Variants in SPACA7 observed in about 807,000 individuals in gnomAD.
SPACA7 encodes the protein sperm acrosome associated 7.
Under a neutral mutation model 26.3 loss-of-function variants are expected in SPACA7, and 19 were observed. That is an observed-to-expected ratio of 0.72 (90% confidence interval 0.50 to 1.06). The LOEUF (loss-of-function observed/expected upper bound fraction) is 1.06. Ranked by LOEUF, SPACA7 falls within the 50% of genes least tolerant of loss-of-function variation. The pLI is 0.00. For missense variants in SPACA7, 211 were observed against 229.9 expected, an observed-to-expected ratio of 0.92 and a Z score of 0.53; for synonymous variants, 84 against 84.5, an observed-to-expected ratio of 0.99 and a Z score of 0.04.
At chr13:112,377,005 T>C in intron 1 of SPACA7, among the ~76,000 whole-genome samples, 1 of 152,234 alleles carries the variant, frequency 6.6e-6, no homozygotes, top group East Asian at 1.9e-4. Flanking sequence ...TTGCTAAAGA[T>C]GGGCAGGCAG....
At chr13:112,406,591 A>T (rs1451325162) in intron 5 of SPACA7, among the ~76,000 whole-genome samples, 2 of 152,230 alleles carry the variant, frequency 1.3e-5, no homozygotes, top group African/African-American at 4.8e-5. Flanking sequence ...TACATGGCCA[A>T]TAAGTCCATG....
chr13:112,410,825 AG>A, intron 5 of SPACA7, among the ~76,000 whole-genome samples: 1 of 152,324 alleles, frequency 6.6e-6, no homozygotes, highest in East Asian at 1.9e-4. Context: ...AACTGAAAGC[AG>A]GGTTTTGAAG....
chr13:112,394,162 G>A (rs112591313), intron 2 of SPACA7, among the ~76,000 whole-genome samples: 4,494 of 152,166 alleles, frequency 0.03, 225 homozygotes, highest in African/African-American at 0.1. Context: ...GTGGACAGCC[G>A]CGCTCCAGGG....
intron 1 of SPACA7, among the ~76,000 whole-genome samples, chr13:112,378,140 G>C (rs537772766): frequency 6.6e-6 from 1 of 152,170 alleles, no homozygotes; most frequent in African/African-American, 2.4e-5. Flanking sequence ...TCAGGCTTTA[G>C]TTCTCACTAA....
intron 1 of SPACA7, 71 bp downstream of exon 1, chr13:112,376,550 A>G (rs573125626): frequency 3.3e-6 from 5 of 1,510,130 alleles, no homozygotes; most frequent in South Asian, 1.2e-5. Flanking sequence ...CTCTTCTCCC[A>G]TGGGTTCCTC....
intron 4 of SPACA7, 117 bp from the exon 5 acceptor site, chr13:112,400,952 A>G (rs948071560): frequency 1.4e-6 from 1 of 732,286 alleles, no homozygotes; most frequent in African/African-American, 1.8e-5. Flanking sequence ...TTCAAATAAA[A>G]CTTGAAAATG....
At chr13:112,425,387 C>A (rs1478279440) in intron 5 of SPACA7, among the ~76,000 whole-genome samples, 1 of 152,186 alleles carries the variant, frequency 6.6e-6, no homozygotes, top group East Asian at 1.9e-4. Flanking sequence ...AGGAAACATG[C>A]CTTCTCCCTG....
At chr13:112,396,373 T>C (rs1177504851) in intron 2 of SPACA7, among the ~76,000 whole-genome samples, 1 of 152,118 alleles carries the variant, frequency 6.6e-6, no homozygotes, top group African/African-American at 2.4e-5. Flanking sequence ...CTGAATCCTA[T>C]CCTCTGCCTG....
chr13:112,416,794 T>C (rs1367025488), intron 5 of SPACA7, among the ~76,000 whole-genome samples: 4 of 146,308 alleles, frequency 2.7e-5, no homozygotes, highest in Non-Finnish European at 6.0e-5. Flanking sequence ...TTTACATATA[T>C]GATTATGAGT....
At chr13:112,393,499 C>T (rs1479727187) in intron 2 of SPACA7, among the ~76,000 whole-genome samples, 2 of 151,118 alleles carry the variant, frequency 1.3e-5, no homozygotes, top group Non-Finnish European at 1.5e-5. Context: ...CCTCCTCCAC[C>T]GCCTCAGCCC....
rs1440155626 is a variant in SPACA7, at chr13:112,424,853, T to G, written c.446-7591T>G. 3.9e-5 allele frequency among the ~76,000 whole-genome samples: 6 copies of G among 152,128 alleles called. No homozygotes were observed. The East Asian group carries it at 1.2e-3, about 29-fold the overall frequency. On this transcript the variant is annotated intron_variant, in intron 5 of 6. Coordinates refer to ENST00000283550, the MANE Select transcript of SPACA7 (RefSeq NM_145248.5). ...TACCTGCTGCTCTGGGCTGCAGGTA[T>G]TTCTCGGTACATCCATATCCCCCCA...
chr13:112,406,406 G>C (rs943798355), intron 5 of SPACA7, among the ~76,000 whole-genome samples: 1 of 152,256 alleles, frequency 6.6e-6, no homozygotes, highest in Middle Eastern at 3.4e-3. Context: ...GTTCATCCCT[G>C]TCTTAGCATG....
chr13:112,388,710 A>G (rs1470109744), intron 1 of SPACA7, among the ~76,000 whole-genome samples: 1 of 152,270 alleles, frequency 6.6e-6, no homozygotes, highest in Non-Finnish European at 1.5e-5. Flanking sequence ...ATAGAGAAAG[A>G]GTAATTCACC....
rs578052361 is a variant in SPACA7, at chr13:112,385,685, A to G, written c.95-7336A>G. ...TTAGACCAAATGTCTACATTTTTAA[A>G]ATATTTTATTTTACTAATAATTTTT... is the stretch of plus-strand genomic sequence containing the variant. On this transcript the variant is annotated intron_variant, in intron 1 of 6. Transcript: ENST00000283550. 2.6e-4 allele frequency among the ~76,000 whole-genome samples: 40 copies of G among 152,338 alleles called. No homozygotes were observed. The South Asian group carries it at 8.3e-3, about 32-fold the overall frequency.
chr13:112,430,498 A>G (rs767188648), intron 5 of SPACA7, among the ~76,000 whole-genome samples: 1 of 152,206 alleles, frequency 6.6e-6, no homozygotes, highest in Non-Finnish European at 1.5e-5. Context: ...CATCCTTTCC[A>G]GACATTAAAA....
At position 112,386,086 on chromosome 13, in the gene SPACA7, C is replaced by T. The variant is rs145545762; in HGVS notation, c.95-6935C>T. ...GATCCCCAAAAGGAGAAAAGTACTA[C>T]GGGAGAAGACAGTGCAATGCTTCTA... On this transcript the variant is annotated intron_variant, in intron 1 of 6. Coordinates refer to ENST00000283550, the MANE Select transcript of SPACA7 (RefSeq NM_145248.5). 5.4e-3 allele frequency among the ~76,000 whole-genome samples: 829 copies of T among 152,314 alleles called. 6 individuals carry two copies. Among genetic ancestry groups the T allele is most frequent in the African/African-American group, 7.2e-3 (298 of 41,572 alleles).
chr13:112,376,494 G>T lies in SPACA7; in HGVS notation c.94+15G>T, dbSNP rs1332537754. ...CGTGATTCCAGGTAGGGCCCCACAGGGATGTCTCAGCAGAAAGAGAACTGA... is the reference window on the plus strand; with the variant it reads ...CGTGATTCCAGGTAGGGCCCCACAGTGATGTCTCAGCAGAAAGAGAACTGA... On this transcript the variant is annotated intron_variant, in intron 1 of 6. Coordinates refer to ENST00000283550, the MANE Select transcript of SPACA7 (RefSeq NM_145248.5). The T allele has an allele frequency of 6.2e-7, 1 of 1,608,298 alleles. No individual in the cohort carries two copies. Among genetic ancestry groups the T allele is most frequent in the Non-Finnish European group, 8.5e-7 (1 of 1,177,406 alleles).
intron 5 of SPACA7, among the ~76,000 whole-genome samples, chr13:112,424,863 C>T (rs78287724): frequency 0.077 from 11,648 of 152,216 alleles, 583 homozygotes; most frequent in Non-Finnish European, 0.11. Flanking sequence ...TTTCTCGGTA[C>T]ATCCATATCC....
intron 5 of SPACA7, among the ~76,000 whole-genome samples, chr13:112,410,971 A>C (rs1472757116): frequency 6.6e-6 from 1 of 152,140 alleles, no homozygotes; most frequent in Admixed American, 6.5e-5. Flanking sequence ...ACTCAACATC[A>C]CTTAAGTATA....
Sources: allele counts gnomAD v4.1 joint callset (sites outside exome capture counted in the v4.1 genomes callset), GRCh38; gene constraint gnomAD v4.1.1; transcripts MANE v1.5; gene names NCBI Gene and HGNC (gene_info 2026-07-23, HGNC 2026-07-21).